ELMOD1: variants seen among roughly 807,000 people sequenced by gnomAD.
The protein encoded by ELMOD1 is ELMO domain containing 1.
In ELMOD1, 21 loss-of-function variants were observed where a neutral mutation model predicts 46.7. The ratio of observed to expected loss-of-function variants is 0.45; its 90% CI spans 0.32 to 0.65. ELMOD1 has a LOEUF of 0.65. Ranked by LOEUF, ELMOD1 falls within the 30% of genes least tolerant of loss-of-function variation. ELMOD1 has a pLI of 0.04. For missense variants in ELMOD1, 348 were observed against 407.8 expected (o/e 0.85, Z 1.26); for synonymous variants, 122 against 138.2 (o/e 0.88, Z 0.82).
chr11:107,601,296 A>C (rs1292300868), intron 1 of ELMOD1, among the ~76,000 whole-genome samples: 4 of 151,446 alleles, frequency 2.6e-5, no homozygotes, highest in Non-Finnish European at 5.9e-5. Context: ...TTAAATATTC[A>C]ACATTTATTT....
chr11:107,643,261 G>A (rs1565384988), intron 6 of ELMOD1: 3 of 185,678 alleles, frequency 1.6e-5, no homozygotes, highest in Non-Finnish European at 3.3e-5. Flanking sequence ...CAGCTACTCA[G>A]GAGGCTGAGG....
chr11:107,592,935 G>C (rs143552476), intron 1 of ELMOD1: 287 of 152,908 alleles, frequency 1.9e-3, no homozygotes, highest in Non-Finnish European at 3.0e-3. Flanking sequence ...AGATAGATAC[G>C]TAATCTTCGT....
At chr11:107,654,971 T>G (rs1016639872) in intron 10 of ELMOD1, among the ~76,000 whole-genome samples, 5 of 152,192 alleles carry the variant, frequency 3.3e-5, no homozygotes, top group African/African-American at 4.8e-5. Context: ...CGTTAATTTT[T>G]GGTAAACATG....
At chr11:107,622,398 A>G (rs56165341) in intron 2 of ELMOD1, among the ~76,000 whole-genome samples, 2 of 152,334 alleles carry the variant, frequency 1.3e-5, no homozygotes, top group Non-Finnish European at 2.9e-5. Flanking sequence ...CAAGCACAGC[A>G]TGAAGCAGCC....
intron 1 of ELMOD1, among the ~76,000 whole-genome samples, chr11:107,615,985 C>CTTTTTTTTT (rs57135460): frequency 1.4e-5 from 1 of 74,048 alleles, no homozygotes; most frequent in Non-Finnish European, 2.4e-5. Context: ...CAGGTTTTTC[C>CTTTTTTTTT]TTTTTTTTTT....
intron 1 of ELMOD1, among the ~76,000 whole-genome samples, chr11:107,599,423 GA>G (rs1395668834): frequency 5.3e-5 from 8 of 151,886 alleles, no homozygotes; most frequent in Non-Finnish European, 1.0e-4. Context: ...TACCTCTAAA[GA>G]AAAAGCTCAA....
rs762158715 is a variant in ELMOD1 at position 107,647,520 on chromosome 11, A to G, written c.473A>G (p.Gln158Arg). ...CCACTGGAATCTCGGATTTCTAAGC[A>G]GTGGTGTGAAATTGGTTTCCAAGGT... ...NTPLESRISKQWCEIGFQGDD... is the reference protein window; with the variant it reads ...NTPLESRISKRWCEIGFQGDD... The change falls in exon 7 of 12, where the codon CAG becomes CGG. Residue 158 changes from glutamine (Q) to arginine (R), a missense_variant. Physicochemically the swap from Gln to Arg is conservative, Grantham distance 43. Coordinates refer to ENST00000265840, the MANE Select transcript of ELMOD1 (RefSeq NM_018712.4). 1.9e-6 allele frequency: 3 copies of G among 1,613,552 alleles called. No individual in the cohort carries two copies. The highest frequency in any genetic ancestry group is 2.5e-6 in the Non-Finnish European group (3 of 1,179,710).
intron 1 of ELMOD1, among the ~76,000 whole-genome samples, chr11:107,598,342 CTTCT>C (rs1167344296): frequency 6.6e-6 from 1 of 152,122 alleles, no homozygotes; most frequent in Non-Finnish European, 1.5e-5. Context: ...CGGGTGAATT[CTTCT>C]TTCTTCTGCC....
In ELMOD1 at chr11:107,665,807, C is replaced by G. The variant is rs1263295232; in HGVS notation, c.*610C>G. On this transcript the variant is annotated 3_prime_UTR_variant, in exon 12 of 12. Transcript: ENST00000265840. ...GAAACCCCGTCTCTACTAAAAATAA[C>G]AAAAATTAGCTGGGCGTGGTGGTGG... is the stretch of plus-strand genomic sequence containing the variant. 1 of 151,534 alleles carries G rather than the reference C, an allele frequency of 6.6e-6. No homozygotes were observed. The highest frequency in any genetic ancestry group is 1.5e-5 in the Non-Finnish European group (1 of 67,930). The allele number at this position is 151,534 out of a possible 1,614,324, so 9.4% of individuals were successfully genotyped here.
At chr11:107,631,756 C>T in intron 5 of ELMOD1, 79 bp downstream of exon 5, 1 of 659,484 alleles carries the variant, frequency 1.5e-6, no homozygotes, top group East Asian at 3.3e-5. Context: ...TGTCTCCTCT[C>T]TTTTTTTTTC....
At chr11:107,644,505 C>T (rs1866383743) in intron 6 of ELMOD1, among the ~76,000 whole-genome samples, 1 of 151,930 alleles carries the variant, frequency 6.6e-6, no homozygotes, top group African/African-American at 2.4e-5. Context: ...GACAGAGTCT[C>T]GCTCTGTAGC....
At position 107,607,846 on chromosome 11, in the gene ELMOD1, G is replaced by A. The variant is rs35521910; in HGVS notation, c.-85-10259G>A. ...CATTCTTTTCTTTCTTCTTTCACCT[G>A]AAATGAGAATAGCGCAAACTGAGGA... On this transcript the variant is annotated intron_variant, in intron 1 of 11. Coordinates refer to ENST00000265840, the MANE Select transcript of ELMOD1 (RefSeq NM_018712.4). Among the ~76,000 whole-genome samples, 271 of 152,108 alleles carry A rather than the reference G, an allele frequency of 1.8e-3. 2 individuals carry two copies. Among genetic ancestry groups the A allele is most frequent in the Non-Finnish European group, 3.4e-3 (234 of 67,982 alleles).
intron 1 of ELMOD1, among the ~76,000 whole-genome samples, chr11:107,594,217 A>G (rs1447839048): frequency 6.6e-6 from 1 of 152,008 alleles, no homozygotes; most frequent in Non-Finnish European, 1.5e-5. Context: ...GACGCCTAGC[A>G]GTTTTGACAG....
Position 107,647,698 on chromosome 11 carries a change from C to A in ELMOD1, c.554+97C>A, listed in dbSNP as rs535229038. The A allele has an allele frequency of 3.2e-6, 4 of 1,254,062 alleles. 1 individual carries two copies. In the South Asian group the frequency reaches 8.6e-5, roughly 27 times the overall value. The allele number at this position is 1,254,062 out of a possible 1,614,324, so 77.7% of individuals were successfully genotyped here. A position where few individuals can be genotyped will look rare whatever the true frequency, so the allele number is the denominator to read the frequency against. On this transcript the variant is annotated intron_variant, in intron 7 of 11. Coordinates refer to ENST00000265840, the MANE Select transcript of ELMOD1 (RefSeq NM_018712.4). ...GAGTAATTAGCTTCAAAAGGTACTT[C>A]CCATAAGACTCAAAGAAAACATTCA...
intron 9 of ELMOD1, 108 bp downstream of exon 9, chr11:107,651,016 C>T: frequency 1.6e-6 from 1 of 633,254 alleles, no homozygotes; most frequent in Non-Finnish European, 2.3e-6. Flanking sequence ...AAAAAGCCAA[C>T]ATTTTCAAAC....
At chr11:107,621,367 C>A (rs1028801200) in intron 2 of ELMOD1, among the ~76,000 whole-genome samples, 4 of 152,304 alleles carry the variant, frequency 2.6e-5, no homozygotes, top group East Asian at 3.9e-4. Flanking sequence ...AGGGAAAAAA[C>A]TATTTTTCTA....
At chr11:107,602,262 G>A (rs502537) in intron 1 of ELMOD1, among the ~76,000 whole-genome samples, 1 of 151,926 alleles carries the variant, frequency 6.6e-6, no homozygotes, top group African/African-American at 2.4e-5. Flanking sequence ...TCCCCCTCTG[G>A]AAACTTTCTT....
chr11:107,650,308 T>G, intron 7 of ELMOD1, 27 bp from the exon 8 acceptor site: 1 of 1,529,528 alleles, frequency 6.5e-7, no homozygotes, highest in Non-Finnish European at 8.9e-7. Flanking sequence ...AGTATAGAGT[T>G]ACGGTTTTCT....
intron 1 of ELMOD1, among the ~76,000 whole-genome samples, chr11:107,601,229 C>A (rs897819530): frequency 6.6e-6 from 1 of 151,900 alleles, no homozygotes; most frequent in Non-Finnish European, 1.5e-5. Flanking sequence ...CATATCTAAT[C>A]CCTCTCTCTT....
Sources: gnomAD v4.1 joint callset for allele counts (sites outside exome capture counted in the v4.1 genomes callset) on GRCh38, gnomAD v4.1.1 for gene constraint, MANE v1.5 for transcripts, NCBI Gene and HGNC (gene_info 2026-07-23, HGNC 2026-07-21) for gene names.